The following CAMTA1 variants were observed in gnomAD, a reference collection of about 807,000 sequenced individuals.
CAMTA1 encodes the protein calmodulin binding transcription activator 1.
In CAMTA1, 27 loss-of-function variants were observed where a neutral mutation model predicts 170.9. The ratio of observed to expected loss-of-function variants is 0.16; its 90% CI spans 0.12 to 0.22. The LOEUF is 0.22. CAMTA1 is among the 10% of genes least tolerant of loss of function. The pLI is 1.00. For synonymous variants in CAMTA1, 833 were observed against 891.5 expected, an observed-to-expected ratio of 0.93 and a Z score of 1.17; for missense variants, 1,619 against 2,217.2, an observed-to-expected ratio of 0.73 and a Z score of 5.42.
chr1:7,311,680 CTAGGT>C (rs1676751984), intron 5 of CAMTA1, among the ~76,000 whole-genome samples: 1 of 152,056 alleles, frequency 6.6e-6, no homozygotes, highest in Non-Finnish European at 1.5e-5. Flanking sequence ...TGATGAGACT[CTAGGT>C]CATGTTGAGA....
chr1:7,211,205 A>G (rs1658690231), intron 4 of CAMTA1, among the ~76,000 whole-genome samples: 1 of 152,212 alleles, frequency 6.6e-6, no homozygotes, highest in Non-Finnish European at 1.5e-5. Context: ...GGCAGGCATG[A>G]TAGTGTCTCG....
chr1:7,591,564 A>T (rs908030719), intron 6 of CAMTA1, among the ~76,000 whole-genome samples: 1 of 152,228 alleles, frequency 6.6e-6, no homozygotes, highest in African/African-American at 2.4e-5. Context: ...AAGCAAATCA[A>T]ATGGCAAGAA....
At chr1:7,629,003 C>A (rs1290512571) in intron 6 of CAMTA1, among the ~76,000 whole-genome samples, 1 of 152,252 alleles carries the variant, frequency 6.6e-6, no homozygotes, top group African/African-American at 2.4e-5. Flanking sequence ...TGAGGAGGAC[C>A]TTTGCCCTAC....
chr1:7,533,481 C>T (rs2094514624), intron 6 of CAMTA1, among the ~76,000 whole-genome samples: 1 of 152,208 alleles, frequency 6.6e-6, no homozygotes, highest in South Asian at 2.1e-4. Context: ...AGGGCTACTC[C>T]GAAGGGAGGT....
At chr1:7,282,123 C>T (rs1574413726) in intron 5 of CAMTA1, among the ~76,000 whole-genome samples, 1 of 152,180 alleles carries the variant, frequency 6.6e-6, no homozygotes, top group Admixed American at 6.5e-5. Context: ...TTTAGGGAGC[C>T]TCATTTCTTC....
At chr1:6,867,769 A>T (rs141767188) in intron 3 of CAMTA1, among the ~76,000 whole-genome samples, 1 of 152,152 alleles carries the variant, frequency 6.6e-6, no homozygotes, top group Non-Finnish European at 1.5e-5. Flanking sequence ...TAAAAATAAT[A>T]AACTTTGCTC....
At chr1:7,671,524 C>T (rs2096060417) in intron 10 of CAMTA1, among the ~76,000 whole-genome samples, 1 of 152,214 alleles carries the variant, frequency 6.6e-6, no homozygotes, top group Non-Finnish European at 1.5e-5. Context: ...CCCGAGGGCC[C>T]TGGGCAGGGG....
At chr1:7,180,279 A>G (rs949105305) in intron 4 of CAMTA1, among the ~76,000 whole-genome samples, 4 of 152,026 alleles carry the variant, frequency 2.6e-5, no homozygotes, top group African/African-American at 9.7e-5. Flanking sequence ...AGGCAGGAGA[A>G]TTGCTTGAAC....
chr1:7,080,936 G>C (rs1053759629), intron 3 of CAMTA1, among the ~76,000 whole-genome samples: 2 of 152,198 alleles, frequency 1.3e-5, no homozygotes, highest in Non-Finnish European at 2.9e-5. Context: ...CTATCTCTAG[G>C]CTGAGGAAAA....
rs1708791019 is a variant in CAMTA1, at chr1:7,065,077, C to T, written c.235-26227C>T. Among the ~76,000 whole-genome samples, 1 of 152,148 alleles carries T rather than the reference C, an allele frequency of 6.6e-6. No individual in the cohort carries two copies. Among genetic ancestry groups the T allele is most frequent in the Non-Finnish European group, 1.5e-5 (1 of 68,036 alleles). On this transcript the variant is annotated intron_variant, in intron 3 of 22. Transcript: ENST00000303635. The surrounding 1 kb of genome is among the most constrained non-coding windows in gnomAD (Gnocchi z 5.2). Reference sequence around the variant, plus strand: ...CAAATAAAAAAATCTCTGTTGCACACGTTACATGTGGGATGCTCTTTATAC... The same window carrying T: ...CAAATAAAAAAATCTCTGTTGCACATGTTACATGTGGGATGCTCTTTATAC...
At chr1:6,959,473 C>G (rs1438430165) in intron 3 of CAMTA1, among the ~76,000 whole-genome samples, 1 of 149,784 alleles carries the variant, frequency 6.7e-6, no homozygotes, top group Non-Finnish European at 1.5e-5. Flanking sequence ...GTCAGTGTTT[C>G]CCGGGTGCCT....
chr1:7,704,516 CG>C lies in CAMTA1; in HGVS notation c.2914+26786del, dbSNP rs1160672839. Among the ~76,000 whole-genome samples the C allele has an allele frequency of 2.0e-5, 3 of 147,638 alleles. No individual in the cohort carries two copies. In the East Asian group the frequency reaches 5.9e-4, roughly 29 times the overall value. ...CCGCGCTCCGCCCGCAACCTCCGGCCGGGCCCCCGCCGTCCAGCGCGGCTCG... is the reference window on the plus strand; with the variant it reads ...CCGCGCTCCGCCCGCAACCTCCGGCCGGCCCCCGCCGTCCAGCGCGGCTCG... On this transcript the variant is annotated intron_variant, in intron 11 of 22. Transcript: ENST00000303635.
chr1:7,210,961 C>A (rs1411412013), intron 4 of CAMTA1, among the ~76,000 whole-genome samples: 1 of 152,104 alleles, frequency 6.6e-6, no homozygotes, highest in Admixed American at 6.6e-5. Flanking sequence ...TTGACAAATC[C>A]CCATAATATT....
At chr1:6,997,015 G>A (rs368260295) in intron 3 of CAMTA1, among the ~76,000 whole-genome samples, 1 of 152,136 alleles carries the variant, frequency 6.6e-6, no homozygotes, top group South Asian at 2.1e-4. Context: ...GCTTCCAGAT[G>A]TGTCGGTTTG....
rs1450100524 is a variant in CAMTA1 at position 7,736,757 on chromosome 1, T to C, written c.3264-174T>C. On this transcript the variant is annotated intron_variant, in intron 13 of 22. Transcript: ENST00000303635. This position sits in a 1 kb window ranked among gnomAD's most constrained non-coding sequence, Gnocchi z 4.5. ...AGAATTAAATGTTGGACTTGTCATT[T>C]TCTTTGGACCCCTAGCCAAATGGAG... 6.6e-6 allele frequency among the ~76,000 whole-genome samples: 1 copy of C among 152,182 alleles called. No individual in the cohort carries two copies. The highest frequency in any genetic ancestry group is 2.4e-5 in the African/African-American group (1 of 41,438).
At chr1:7,668,121 A>G (rs2096017388) in intron 9 of CAMTA1, among the ~76,000 whole-genome samples, 1 of 152,070 alleles carries the variant, frequency 6.6e-6, no homozygotes, top group South Asian at 2.1e-4. Flanking sequence ...CAGGAGTCCA[A>G]TCTGGCCAGG....
At chr1:7,420,227 G>C (rs2091467976) in intron 5 of CAMTA1, among the ~76,000 whole-genome samples, 1 of 152,196 alleles carries the variant, frequency 6.6e-6, no homozygotes, top group East Asian at 1.9e-4. Flanking sequence ...CTGCACACTT[G>C]GCCGCCTGGC....
At chr1:7,739,195 C>A (rs1045118964) in intron 16 of CAMTA1, among the ~76,000 whole-genome samples, 44 of 151,790 alleles carry the variant, frequency 2.9e-4, no homozygotes, top group Non-Finnish European at 5.3e-4. Context: ...ATTGATGCAA[C>A]CTAAAACAAA....
At chr1:7,531,472 C>T (rs1226800779) in intron 6 of CAMTA1, among the ~76,000 whole-genome samples, 2 of 152,192 alleles carry the variant, frequency 1.3e-5, no homozygotes, top group African/African-American at 4.8e-5. Context: ...ACTCGAAAAA[C>T]CTGCAGAGGG....
Sources: allele counts gnomAD v4.1 joint callset (sites outside exome capture counted in the v4.1 genomes callset), GRCh38; gene constraint gnomAD v4.1.1; non-coding constraint Gnocchi (gnomAD v3.1); transcripts MANE v1.5; gene names NCBI Gene and HGNC (gene_info 2026-07-23, HGNC 2026-07-21).